The following REC114 variants were observed in gnomAD, a reference collection of about 807,000 sequenced individuals.
REC114 encodes REC114 meiotic recombination protein.
A neutral mutation model predicts 31.3 loss-of-function variants in REC114; 27 were observed. The ratio of observed to expected loss-of-function variants is 0.86; its 90% CI spans 0.64 to 1.19. REC114 has a LOEUF of 1.19. REC114 is among the 50% of genes most tolerant of loss of function. The pLI is 0.00. For missense variants in REC114, 344 were observed against 326.9 expected (o/e 1.05, Z -0.40); for synonymous variants, 134 against 127.7 (o/e 1.05, Z -0.33).
At position 73,443,450 on chromosome 15, in the gene REC114, C is replaced by T. The variant is rs901607662; in HGVS notation, c.159+106C>T. 5 of 1,304,646 alleles carry T rather than the reference C, an allele frequency of 3.8e-6. No homozygotes were observed. In the East Asian group the frequency reaches 1.3e-4, roughly 34 times the overall value. The allele number at this position is 1,304,646 out of a possible 1,614,324, so 80.8% of individuals were successfully genotyped here. A position where few individuals can be genotyped will look rare whatever the true frequency, so the allele number is the denominator to read the frequency against. On this transcript the variant is annotated intron_variant, in intron 1 of 5. Coordinates refer to ENST00000331090, the MANE Select transcript of REC114 (RefSeq NM_001042367.2). ...CCCCGAAAGCAATGCCGAGGGGACA[C>T]CGAGTGACTGCCAGGCCTGTTGGGG...
Position 73,517,192 on chromosome 15 carries a change from A to G in REC114, c.250-23293A>G, listed in dbSNP as rs559650314. Reference sequence around the variant, plus strand: ...AGTGTTTATATACTTCACCCTTCCCACTTCTTTGTAGGTCATATAAAAGAT... The same window carrying G: ...AGTGTTTATATACTTCACCCTTCCCGCTTCTTTGTAGGTCATATAAAAGAT... On this transcript the variant is annotated intron_variant, in intron 2 of 5. Transcript: ENST00000331090. Among the ~76,000 whole-genome samples, 12 of 152,268 alleles carry G rather than the reference A, an allele frequency of 7.9e-5. No individual in the cohort carries two copies. The South Asian group carries it at 2.3e-3, about 29-fold the overall frequency.
intron 2 of REC114, among the ~76,000 whole-genome samples, chr15:73,484,687 C>G (rs975313646): frequency 2.0e-5 from 3 of 152,218 alleles, no homozygotes; most frequent in South Asian, 2.1e-4. Flanking sequence ...GCTTTAGCCT[C>G]TATTTCCAGC....
chr15:73,454,761 T>C (rs1040765992), intron 1 of REC114, among the ~76,000 whole-genome samples: 1 of 152,210 alleles, frequency 6.6e-6, no homozygotes, highest in South Asian at 2.1e-4. Flanking sequence ...CACAGGTTCC[T>C]TGATACCTTC....
chr15:73,448,440 CCT>C (rs1165700730), intron 1 of REC114, among the ~76,000 whole-genome samples: 1 of 152,182 alleles, frequency 6.6e-6, no homozygotes, highest in Non-Finnish European at 1.5e-5. Context: ...AGCCACACTG[CCT>C]CTCTAGATTC....
intron 1 of REC114, among the ~76,000 whole-genome samples, chr15:73,455,294 A>G (rs1171184530): frequency 1.3e-5 from 2 of 152,196 alleles, no homozygotes; most frequent in Admixed American, 6.5e-5. Context: ...GAGGTTAGGT[A>G]AAGCATAAAA....
At chr15:73,451,625 A>G (rs1892850047) in intron 1 of REC114, among the ~76,000 whole-genome samples, 1 of 152,228 alleles carries the variant, frequency 6.6e-6, no homozygotes, top group African/African-American at 2.4e-5. Context: ...TCCCTAACTC[A>G]TTTGACAAGG....
chr15:73,540,051 A>G (rs1359445253), intron 2 of REC114, among the ~76,000 whole-genome samples: 1 of 152,214 alleles, frequency 6.6e-6, no homozygotes, highest in Non-Finnish European at 1.5e-5. Context: ...TCATAGGAAT[A>G]TGAAAATAAG....
At chr15:73,508,501 A>G (rs1296102110) in intron 2 of REC114, among the ~76,000 whole-genome samples, 1 of 146,746 alleles carries the variant, frequency 6.8e-6, no homozygotes, top group Non-Finnish European at 1.5e-5. Context: ...TGTGCAGGTT[A>G]GTTACATATG....
chr15:73,535,830 A>G (rs1894147908), intron 2 of REC114, among the ~76,000 whole-genome samples: 3 of 151,918 alleles, frequency 2.0e-5, no homozygotes, highest in Non-Finnish European at 2.9e-5. Flanking sequence ...AAACAGAGAT[A>G]TAGATCAATG....
chr15:73,490,813 C>T (rs1307934133), intron 2 of REC114, among the ~76,000 whole-genome samples: 1 of 151,026 alleles, frequency 6.6e-6, no homozygotes, highest in East Asian at 1.9e-4. Flanking sequence ...TTCCTTCGCC[C>T]CCACCAAAAA....
intron 2 of REC114, among the ~76,000 whole-genome samples, chr15:73,509,199 T>C (rs1893727504): frequency 2.0e-5 from 3 of 152,256 alleles, no homozygotes; most frequent in Non-Finnish European, 4.4e-5. Context: ...TGGCCAGTGA[T>C]GATGAGCATT....
intron 2 of REC114, among the ~76,000 whole-genome samples, chr15:73,486,353 C>T (rs1295183500): frequency 6.6e-6 from 1 of 152,166 alleles, no homozygotes; most frequent in Non-Finnish European, 1.5e-5. Flanking sequence ...GTCTTGGCCT[C>T]CCAAAGTGCT....
intron 2 of REC114, among the ~76,000 whole-genome samples, chr15:73,479,394 G>A (rs1202109249): frequency 1.3e-5 from 2 of 151,466 alleles, no homozygotes; most frequent in Admixed American, 6.6e-5. Flanking sequence ...GTAGTCAAAC[G>A]AATTAACATA....
At chr15:73,494,135 G>A (rs1051732209) in intron 2 of REC114, among the ~76,000 whole-genome samples, 1 of 152,096 alleles carries the variant, frequency 6.6e-6, no homozygotes, top group Non-Finnish European at 1.5e-5. Context: ...TTCTTCAACA[G>A]TTTTGTCATA....
At chr15:73,502,570 C>T (rs1420302285) in intron 2 of REC114, among the ~76,000 whole-genome samples, 1 of 152,056 alleles carries the variant, frequency 6.6e-6, no homozygotes, top group Admixed American at 6.5e-5. Flanking sequence ...AGTGGATCAT[C>T]ATAAAGGTCT....
chr15:73,477,985 C>T (rs191682555), intron 2 of REC114, among the ~76,000 whole-genome samples: 6 of 151,868 alleles, frequency 4.0e-5, no homozygotes, highest in African/African-American at 7.2e-5. Flanking sequence ...GTTTATTGGC[C>T]GGGCGTGGTG....
chr15:73,500,543 A>G (rs1215344833), intron 2 of REC114, among the ~76,000 whole-genome samples: 1 of 152,168 alleles, frequency 6.6e-6, no homozygotes, highest in Non-Finnish European at 1.5e-5. Flanking sequence ...GAGATCACGC[A>G]TGGAGGAGCC....
rs903690392 is a variant in REC114, at chr15:73,557,427, A to G, written c.636+1036A>G. Among the ~76,000 whole-genome samples, 11 of 151,452 alleles carry G rather than the reference A, an allele frequency of 7.3e-5. No homozygotes were observed. The South Asian group carries it at 1.2e-3, about 17-fold the overall frequency. Reference sequence around the variant, plus strand: ...CTATCAGTAGTTTAAAAAAAAAAAAAAAAAAAGAAAAAAAGGGTTTTCTCC... The same window carrying G: ...CTATCAGTAGTTTAAAAAAAAAAAAGAAAAAAGAAAAAAAGGGTTTTCTCC... On this transcript the variant is annotated intron_variant, in intron 5 of 5. Transcript: ENST00000331090.
chr15:73,513,448 C>G (rs1276698017), intron 2 of REC114, among the ~76,000 whole-genome samples: 1 of 148,894 alleles, frequency 6.7e-6, no homozygotes, highest in Admixed American at 6.7e-5. Flanking sequence ...CTCAGCTCGT[C>G]AAAGTCATTC....
Sources: gnomAD v4.1 joint callset for allele counts (sites outside exome capture counted in the v4.1 genomes callset) on GRCh38, gnomAD v4.1.1 for gene constraint, MANE v1.5 for transcripts, NCBI Gene and HGNC (gene_info 2026-07-23, HGNC 2026-07-21) for gene names.